MEI1: variants seen among roughly 807,000 people sequenced by gnomAD.
MEI1 encodes meiotic double-stranded break formation protein 1.
In MEI1, 103 loss-of-function variants were observed where a neutral mutation model predicts 146.2. The ratio of observed to expected loss-of-function variants is 0.70; its 90% confidence interval spans 0.60 to 0.83. The LOEUF (loss-of-function observed/expected upper bound fraction) is 0.83, where lower values mean the gene tolerates loss of function less well. MEI1 is among the 40% of genes least tolerant of loss of function. The probability of loss-of-function intolerance (pLI) is 0.00; values close to 1 mark genes in which losing one functional copy is unlikely to be tolerated. For missense variants in MEI1, 1,529 were observed against 1,533.0 expected (o/e 1.00, Z 0.04); for synonymous variants, 652 against 628.2 (o/e 1.04, Z -0.57).
Position 41,712,223 on chromosome 22 carries a change from T to TG in MEI1, c.350-1778dup, listed in dbSNP as rs564307367. ...CCGGCTCAAAAAAAAAAAAGCATTG[T>TG]GTTTTTTTTGTTTGTTTGTTTGTTT... On this transcript the variant is annotated intron_variant, in intron 3 of 30. Transcript: ENST00000401548. Among the ~76,000 whole-genome samples, 273 of 52,288 alleles carry TG rather than the reference T, an allele frequency of 5.2e-3. 1 individual carries two copies. The highest frequency in any genetic ancestry group is 0.03 in the African/African-American group (266 of 8,798). 34.3% of individuals were successfully genotyped at this position (52,288 alleles called of 152,430 possible).
intron 8 of MEI1, 46 bp from the exon 9 acceptor site, chr22:41,730,475 A>G: frequency 7.5e-7 from 1 of 1,335,158 alleles, no homozygotes; most frequent in Non-Finnish European, 1.1e-6. Context: ...AGGGATCGTG[A>G]TCACATGGCT....
At chr22:41,738,534 C>G (rs2072581218) in intron 11 of MEI1, among the ~76,000 whole-genome samples, 1 of 152,038 alleles carries the variant, frequency 6.6e-6, no homozygotes, top group Non-Finnish European at 1.5e-5. Context: ...TTGCAGTGAG[C>G]CGAGATCATG....
chr22:41,718,399 C>T, intron 6 of MEI1, 125 bp downstream of exon 6: 1 of 812,358 alleles, frequency 1.2e-6, no homozygotes, highest in Non-Finnish European at 1.9e-6. Context: ...AGCCACAAGG[C>T]TTGAGAGATA....
Position 41,699,589 on chromosome 22 carries a change from G to C in MEI1, c.51G>C (p.Glu17Asp), listed in dbSNP as rs745439314. ...CGGGCACTCCCGGGCCCAGGAGAGA[G>C]GAAGAGGCGGCGCTTCTATTCGAGA... ...ATAGTPGPRREEEAALLFERA... is the reference protein window; with the variant it reads ...ATAGTPGPRRDEEAALLFERA... The change falls in exon 1 of 31, where the codon GAG (glutamate) becomes GAC (aspartate). Residue 17 changes from glutamate (E) to aspartate (D), a missense_variant. Physicochemically the swap from Glu to Asp is conservative, Grantham distance 45. Coordinates refer to ENST00000401548, the MANE Select transcript of MEI1 (RefSeq NM_152513.4). The C allele has an allele frequency of 3.3e-5, 54 of 1,612,844 alleles. No homozygotes were observed. The highest frequency in any genetic ancestry group is 4.5e-5 in the Non-Finnish European group (53 of 1,179,468).
intron 6 of MEI1, among the ~76,000 whole-genome samples, chr22:41,719,753 C>G (rs1601719512): frequency 1.3e-5 from 2 of 152,154 alleles, no homozygotes; most frequent in African/African-American, 2.4e-5. Flanking sequence ...TTTTAACGTC[C>G]TCTCCTGCTA....
At position 41,784,843 on chromosome 22, in the gene MEI1, G is replaced by T. The variant is rs187462077; in HGVS notation, c.3345+60G>T. 1.4e-4 allele frequency: 206 copies of T among 1,428,328 alleles called. No homozygotes were observed. The African/African-American group carries it at 2.7e-3, about 19-fold the overall frequency. 88.5% of individuals were successfully genotyped at this position (1,428,328 alleles called of 1,614,324 possible). A position where few individuals can be genotyped will look rare whatever the true frequency, so the allele number is the denominator to read the frequency against. ...AGGACAACAGCAGGAAGGGGTGGCT[G>T]CCTGTCGAGAGCCTGATACTCCTAC... On this transcript the variant is annotated intron_variant, in intron 26 of 30. Transcript: ENST00000401548.
intron 8 of MEI1, 96 bp downstream of exon 8, chr22:41,729,875 A>C: frequency 1.3e-5 from 9 of 694,882 alleles, no homozygotes; most frequent in Non-Finnish European, 1.8e-5. Flanking sequence ...ACTATGTCTC[A>C]TAACATCTGA....
chr22:41,714,099 T>C (rs1270821534), intron 4 of MEI1, 24 bp downstream of exon 4: 1 of 1,573,142 alleles, frequency 6.4e-7, no homozygotes, highest in South Asian at 1.2e-5. Flanking sequence ...TATGGGTTCT[T>C]GAGTCTCTCA....
At chr22:41,785,880 TTTTTTTA>T (rs2075956838) in intron 26 of MEI1, among the ~76,000 whole-genome samples, 2 of 133,302 alleles carry the variant, frequency 1.5e-5, no homozygotes, top group Non-Finnish European at 3.3e-5. Flanking sequence ...TATTTTTTTA[TTTTTTTA>T]TTTTTTTATT....
At chr22:41,738,434 A>T (rs1159800795) in intron 11 of MEI1, among the ~76,000 whole-genome samples, 1 of 152,276 alleles carries the variant, frequency 6.6e-6, no homozygotes, top group African/African-American at 2.4e-5. Flanking sequence ...TAAAAATATA[A>T]AAATTAGCTG....
intron 21 of MEI1, among the ~76,000 whole-genome samples, chr22:41,778,204 T>C (rs533497109): frequency 1.6e-4 from 24 of 152,310 alleles, no homozygotes; most frequent in African/African-American, 5.8e-4. Context: ...AGGGAGCTCC[T>C]CGCAGTTTCT....
At position 41,705,521 on chromosome 22, in the gene MEI1, G is replaced by A. The variant is rs1048804522; in HGVS notation, c.316G>A (p.Glu106Lys). 4 of 1,613,488 alleles carry A rather than the reference G, an allele frequency of 2.5e-6. No individual in the cohort carries two copies. Among genetic ancestry groups the A allele is most frequent in the Middle Eastern group, 3.3e-4 (2 of 6,082 alleles). Reference protein sequence around the residue: ...SVLFGLLCSMEDGSVTDLCIE... With the variant: ...SVLFGLLCSMKDGSVTDLCIE... ...GCTCCAAGGACTATTATGCAGCATGGAAGATGGGAGTGTGACAGACCTCTG... is the reference window on the plus strand; with the variant it reads ...GCTCCAAGGACTATTATGCAGCATGAAAGATGGGAGTGTGACAGACCTCTG... Residue 106 changes from glutamate to lysine, a missense_variant, in exon 3 of 31, where the codon GAA (glutamate) becomes AAA (lysine). This residue lies in a region of MEI1 where 1,212 missense variants were observed against 1,178.9 expected (regional missense o/e 1.03). Transcript: ENST00000401548.
intron 7 of MEI1, among the ~76,000 whole-genome samples, chr22:41,726,138 C>T (rs112920365): frequency 0.067 from 10,173 of 152,100 alleles, 1,087 homozygotes; most frequent in African/African-American, 0.23. Context: ...ATTAGCCAGG[C>T]GTGGTGGCAC....
intron 11 of MEI1, among the ~76,000 whole-genome samples, chr22:41,742,037 A>T (rs1422387036): frequency 2.6e-5 from 4 of 151,516 alleles, no homozygotes. Flanking sequence ...TGGTGGGTGG[A>T]TAACTTGAGG....
intron 21 of MEI1, 80 bp from the exon 22 acceptor site, chr22:41,778,628 C>T: frequency 9.4e-7 from 1 of 1,066,286 alleles, no homozygotes; most frequent in East Asian, 2.6e-5. Context: ...TATTAAGGGC[C>T]ATTGAAGCAG....
intron 15 of MEI1, among the ~76,000 whole-genome samples, chr22:41,751,815 T>C (rs2073773128): frequency 6.7e-6 from 1 of 149,712 alleles, no homozygotes; most frequent in South Asian, 2.1e-4. Context: ...GTCACACCTG[T>C]AATCCCAGCA....
chr22:41,734,349 T>G (rs2072138481), intron 11 of MEI1, among the ~76,000 whole-genome samples: 4 of 151,990 alleles, frequency 2.6e-5, no homozygotes, highest in Admixed American at 2.6e-4. Flanking sequence ...TCCCAGCACT[T>G]TGGGAGGCTG....
intron 20 of MEI1, among the ~76,000 whole-genome samples, chr22:41,771,179 A>G (rs1466631956): frequency 6.6e-6 from 1 of 152,164 alleles, no homozygotes; most frequent in Non-Finnish European, 1.5e-5. Context: ...GAAGTCTACC[A>G]ACTGAGAGAT....
At chr22:41,769,114 T>C (rs954102247) in intron 19 of MEI1, among the ~76,000 whole-genome samples, 1 of 151,678 alleles carries the variant, frequency 6.6e-6, no homozygotes, top group South Asian at 2.1e-4. Flanking sequence ...GTCAAAACAA[T>C]CTTGAAAAAA....
Sources: allele counts gnomAD v4.1 joint callset (sites outside exome capture counted in the v4.1 genomes callset), GRCh38; gene constraint gnomAD v4.1.1; regional missense constraint gnomAD v4.1.1; transcripts MANE v1.5; gene names NCBI Gene and HGNC (gene_info 2026-07-23, HGNC 2026-07-21).